SMYD3: variants seen among roughly 807,000 people sequenced by gnomAD.
SMYD3 encodes SET and MYND domain containing 3.
In SMYD3, 36 loss-of-function variants were observed where a neutral mutation model predicts 57.7. The ratio of observed to expected loss-of-function variants is 0.62; its 90% CI spans 0.48 to 0.82. The LOEUF is 0.82. SMYD3 is among the 40% of genes least tolerant of loss of function. The pLI is 0.00. For missense variants in SMYD3, 515 were observed against 538.8 expected, an observed-to-expected ratio of 0.96 and a Z score of 0.44; for synonymous variants, 211 against 195.0, an observed-to-expected ratio of 1.08 and a Z score of -0.68.
intron 1 of SMYD3, among the ~76,000 whole-genome samples, chr1:246,401,769 C>G (rs1042321155): frequency 1.3e-5 from 2 of 149,584 alleles, no homozygotes. Context: ...GTTGCCCAGA[C>G]TGGAGTGCAA....
intron 5 of SMYD3, among the ~76,000 whole-genome samples, chr1:246,238,038 T>G (rs936231944): frequency 6.6e-6 from 1 of 152,156 alleles, no homozygotes; most frequent in Non-Finnish European, 1.5e-5. Flanking sequence ...TTCTGTTTTT[T>G]CATTTTTCTC....
chr1:246,154,806 G>C (rs2061998027), intron 5 of SMYD3, among the ~76,000 whole-genome samples: 2 of 149,760 alleles, frequency 1.3e-5, no homozygotes, highest in African/African-American at 2.5e-5. Flanking sequence ...TTTTGAGATG[G>C]AGTCTCACTC....
intron 8 of SMYD3, among the ~76,000 whole-genome samples, chr1:245,906,614 C>T (rs61830235): frequency 1.3e-5 from 2 of 152,146 alleles, no homozygotes; most frequent in Non-Finnish European, 2.9e-5. Flanking sequence ...ATATAACTAC[C>T]ATAGGATCCA....
At chr1:246,230,343 CAGAA>C (rs57274855) in intron 5 of SMYD3, among the ~76,000 whole-genome samples, 31,475 of 152,002 alleles carry the variant, frequency 0.21, 3,945 homozygotes, top group East Asian at 0.58. Flanking sequence ...AATCGCTCAC[CAGAA>C]AGATTTAGTT....
intron 5 of SMYD3, among the ~76,000 whole-genome samples, chr1:246,119,188 ATTT>A (rs1198393220): frequency 6.7e-6 from 1 of 149,590 alleles, no homozygotes; most frequent in African/African-American, 2.5e-5. Flanking sequence ...GCTTGGCTAA[ATTT>A]TTTTTTTATT....
At chr1:245,959,082 G>T (rs1020461569) in intron 5 of SMYD3, among the ~76,000 whole-genome samples, 1 of 151,758 alleles carries the variant, frequency 6.6e-6, no homozygotes, top group South Asian at 2.1e-4. Context: ...TAATTTTTTG[G>T]GTTTTGTTTT....
intron 8 of SMYD3, among the ~76,000 whole-genome samples, chr1:245,887,011 T>A (rs1327980844): frequency 6.6e-6 from 1 of 152,156 alleles, no homozygotes; most frequent in Non-Finnish European, 1.5e-5. Context: ...TGTGTCCCTG[T>A]CAGAAGCATG....
At chr1:246,049,879 T>TA (rs1015672508) in intron 5 of SMYD3, among the ~76,000 whole-genome samples, 51 of 152,348 alleles carry the variant, frequency 3.3e-4, no homozygotes, top group African/African-American at 1.2e-3. Context: ...AGTCATTACT[T>TA]ACCACTTCAA....
intron 5 of SMYD3, among the ~76,000 whole-genome samples, chr1:246,102,397 C>T (rs2061031050): frequency 6.6e-6 from 1 of 152,154 alleles, no homozygotes; most frequent in African/African-American, 2.4e-5. Flanking sequence ...ATGGCCAGCA[C>T]AATCCCACTG....
chr1:245,939,173 A>T (rs200351203), intron 5 of SMYD3, among the ~76,000 whole-genome samples: 34 of 106,548 alleles, frequency 3.2e-4, no homozygotes, highest in East Asian at 8.5e-4. Flanking sequence ...AAAAAAATTT[A>T]AAAAAAAAAG....
intron 5 of SMYD3, among the ~76,000 whole-genome samples, chr1:246,301,994 A>G (rs2064898217): frequency 6.6e-6 from 1 of 152,108 alleles, no homozygotes; most frequent in Non-Finnish European, 1.5e-5. Flanking sequence ...ATTCCTTGGA[A>G]CAGACTCCCA....
intron 1 of SMYD3, among the ~76,000 whole-genome samples, chr1:246,441,560 C>A (rs932062449): frequency 3.9e-5 from 6 of 152,072 alleles, no homozygotes; most frequent in African/African-American, 1.4e-4. Flanking sequence ...GAAACAAGGA[C>A]AAAAAATGCC....
intron 1 of SMYD3, among the ~76,000 whole-genome samples, chr1:246,408,420 G>A (rs1177366545): frequency 6.6e-6 from 1 of 152,118 alleles, no homozygotes; most frequent in Non-Finnish European, 1.5e-5. Flanking sequence ...CTTAATAGGG[G>A]TGATGTCCTC....
chr1:246,054,986 T>C (rs1017163905), intron 5 of SMYD3, among the ~76,000 whole-genome samples: 1 of 150,630 alleles, frequency 6.6e-6, no homozygotes, highest in African/African-American at 2.4e-5. Context: ...CCATCCTGGC[T>C]AACATGGTGA....
At chr1:246,052,309 C>T (rs543250727) in intron 5 of SMYD3, among the ~76,000 whole-genome samples, 1 of 152,278 alleles carries the variant, frequency 6.6e-6, no homozygotes, top group Non-Finnish European at 1.5e-5. Context: ...GTGACCAACA[C>T]ATCAATGGGA....
chr1:245,948,124 TC>T (rs2057489637), intron 5 of SMYD3, among the ~76,000 whole-genome samples: 1 of 152,166 alleles, frequency 6.6e-6, no homozygotes, highest in Non-Finnish European at 1.5e-5. Flanking sequence ...TGCTGTCTGA[TC>T]ACCCTGGCCT....
In SMYD3 at chr1:246,483,346, A is replaced by C. The variant is rs148636953; in HGVS notation, c.164+23708T>G. Reference sequence around the variant, plus strand: ...ATACTAAAATGGCAATGAAAAGAACAACCATTAAGACACCCAGAGTATCAG... The same window carrying C: ...ATACTAAAATGGCAATGAAAAGAACCACCATTAAGACACCCAGAGTATCAG... On this transcript the variant is annotated intron_variant, in intron 1 of 11. Coordinates refer to ENST00000490107, the MANE Select transcript of SMYD3 (RefSeq NM_001167740.2). The C allele has an allele frequency of 2.1e-3, 324 of 152,322 alleles. 1 individual carries two copies. The highest frequency in any genetic ancestry group is 7.4e-3 in the African/African-American group (307 of 41,558). The allele number at this position is 152,322 out of a possible 1,614,324, so 9.4% of individuals were successfully genotyped here.
intron 8 of SMYD3, among the ~76,000 whole-genome samples, chr1:245,864,804 G>A (rs1273520452): frequency 6.6e-6 from 1 of 151,876 alleles, no homozygotes; most frequent in Non-Finnish European, 1.5e-5. Context: ...TAAAAAAACA[G>A]AAGAATAGGA....
intron 1 of SMYD3, among the ~76,000 whole-genome samples, chr1:246,458,348 C>T (rs10924736): frequency 6.6e-6 from 1 of 151,148 alleles, no homozygotes; most frequent in Non-Finnish European, 1.5e-5. Flanking sequence ...AAGACTAATT[C>T]TGAAGTGATA....
Sources: gnomAD v4.1 joint callset for allele counts (sites outside exome capture counted in the v4.1 genomes callset) on GRCh38, gnomAD v4.1.1 for gene constraint, MANE v1.5 for transcripts, NCBI Gene and HGNC (gene_info 2026-07-23, HGNC 2026-07-21) for gene names.